EML4: variants seen among roughly 807,000 people sequenced by gnomAD.
The protein encoded by EML4 is echinoderm microtubule-associated protein-like 4.
EML4 carries 72 observed loss-of-function variants against 129.0 expected under a neutral mutation model. The ratio of observed to expected loss-of-function variants is 0.56; its 90% CI spans 0.46 to 0.68. EML4 has a LOEUF of 0.68. Among genes scored for constraint, EML4 ranks in the 30% least tolerant of loss-of-function variants. EML4 has a pLI of 0.00. For missense variants in EML4, 1,363 were observed against 1,190.6 expected (o/e 1.14, Z -2.13); for synonymous variants, 532 against 405.0 (o/e 1.31, Z -3.77).
chr2:42,220,267 AGGTTTTTGGCAACCCT>A (rs1673500221), intron 1 of EML4, among the ~76,000 whole-genome samples: 1 of 143,912 alleles, frequency 6.9e-6, no homozygotes, highest in Non-Finnish European at 1.5e-5. Flanking sequence ...TACAAATTGA[AGGTTTTTGGCAACCCT>A]GCATTGAGCA....
chr2:42,181,512 C>T (rs1670940619), intron 1 of EML4, among the ~76,000 whole-genome samples: 1 of 152,122 alleles, frequency 6.6e-6, no homozygotes, highest in Non-Finnish European at 1.5e-5. Flanking sequence ...GTTGGCCTGG[C>T]TGGTCTCAAA....
intron 1 of EML4, among the ~76,000 whole-genome samples, chr2:42,237,193 C>T (rs1391012177): frequency 6.6e-6 from 1 of 152,256 alleles, no homozygotes; most frequent in Non-Finnish European, 1.5e-5. Flanking sequence ...CCTCGGCCTC[C>T]TAAAGTGCTG....
At chr2:42,264,765 GC>G (rs1194159295) in intron 6 of EML4, 34 bp downstream of exon 6, 1 of 1,455,662 alleles carries the variant, frequency 6.9e-7, no homozygotes, top group Admixed American at 1.9e-5. Context: ...ATTTTATTTT[GC>G]CCTTCTTAGT....
chr2:42,290,402 C>G (rs1266242229), intron 11 of EML4, among the ~76,000 whole-genome samples: 1 of 151,740 alleles, frequency 6.6e-6, no homozygotes, highest in Non-Finnish European at 1.5e-5. Flanking sequence ...TGTGGGACCT[C>G]TCATGAAAAA....
chr2:42,324,928 TA>T (rs1468517816), intron 19 of EML4, among the ~76,000 whole-genome samples: 1 of 152,190 alleles, frequency 6.6e-6, no homozygotes, highest in Non-Finnish European at 1.5e-5. Context: ...TCTGATGGAG[TA>T]CAGCGTTGGG....
chr2:42,196,491 A>G (rs1411873630), intron 1 of EML4, among the ~76,000 whole-genome samples: 1 of 152,176 alleles, frequency 6.6e-6, no homozygotes, highest in African/African-American at 2.4e-5. Flanking sequence ...GGATCTAAGG[A>G]TAAATTGAGA....
At chr2:42,189,854 C>T (rs1208015289) in intron 1 of EML4, among the ~76,000 whole-genome samples, 1 of 151,954 alleles carries the variant, frequency 6.6e-6, no homozygotes, top group East Asian at 1.9e-4. Context: ...ATGAATAATT[C>T]AATCACAAAA....
intron 1 of EML4, among the ~76,000 whole-genome samples, chr2:42,206,021 C>G (rs1672518879): frequency 6.6e-6 from 1 of 152,174 alleles, no homozygotes; most frequent in African/African-American, 2.4e-5. Context: ...GAATTTCTAG[C>G]ACTTACTGCA....
chr2:42,172,076 CAAG>C (rs970538316), intron 1 of EML4, among the ~76,000 whole-genome samples: 2 of 150,478 alleles, frequency 1.3e-5, no homozygotes, highest in Non-Finnish European at 3.0e-5. Context: ...TTTTTTTAAA[CAAG>C]AAGTCAAAAC....
chr2:42,260,998 A>G (rs537225274), intron 3 of EML4, 123 bp from the exon 4 acceptor site: 1 of 673,000 alleles, frequency 1.5e-6, no homozygotes, highest in African/African-American at 1.8e-5. Flanking sequence ...GAATGAAAAC[A>G]GTGCAAATTG....
At chr2:42,216,120 A>G (rs1191160024) in intron 1 of EML4, among the ~76,000 whole-genome samples, 3 of 150,122 alleles carry the variant, frequency 2.0e-5, no homozygotes, top group African/African-American at 7.4e-5. Flanking sequence ...CGGTTTCACC[A>G]TGTTGGTCAG....
chr2:42,286,431 GAAGTT>G (rs1417628675), intron 10 of EML4, 52 bp downstream of exon 10: 1 of 1,123,286 alleles, frequency 8.9e-7, no homozygotes, highest in South Asian at 1.2e-5. Context: ...AAGCAGGAAA[GAAGTT>G]AAGCTCAGTT....
intron 1 of EML4, among the ~76,000 whole-genome samples, chr2:42,179,153 C>T (rs189347190): frequency 1.3e-3 from 199 of 152,090 alleles, no homozygotes; most frequent in Admixed American, 2.6e-3. Flanking sequence ...GAAAAGAGCA[C>T]ATCAGTTACA....
chr2:42,183,728 ATATATT>A (rs1671087276), intron 1 of EML4, among the ~76,000 whole-genome samples: 1 of 152,036 alleles, frequency 6.6e-6, no homozygotes, highest in Non-Finnish European at 1.5e-5. Flanking sequence ...ATGGTTGGAC[ATATATT>A]TTTATTTTTA....
intron 3 of EML4, among the ~76,000 whole-genome samples, chr2:42,257,122 A>G (rs949334136): frequency 4.6e-5 from 7 of 151,452 alleles, no homozygotes; most frequent in Non-Finnish European, 7.4e-5. Flanking sequence ...GTGGGGGTGT[A>G]TGTGTGTGTG....
intron 1 of EML4, among the ~76,000 whole-genome samples, chr2:42,214,102 A>G (rs1348959037): frequency 1.3e-5 from 2 of 152,186 alleles, no homozygotes; most frequent in African/African-American, 4.8e-5. Context: ...TAGAAGTTTA[A>G]AACATTTTAC....
At chr2:42,193,145 C>G (rs991575816) in intron 1 of EML4, among the ~76,000 whole-genome samples, 3 of 152,212 alleles carry the variant, frequency 2.0e-5, no homozygotes, top group Non-Finnish European at 4.4e-5. Context: ...TCTGTGCTTA[C>G]ATACCATTGT....
At chr2:42,189,127 A>C (rs958577287) in intron 1 of EML4, among the ~76,000 whole-genome samples, 2 of 152,092 alleles carry the variant, frequency 1.3e-5, no homozygotes, top group African/African-American at 4.8e-5. Flanking sequence ...TCGGCCTCCC[A>C]AAGTGCTGGG....
chr2:42,213,024 A>G (rs961516416), intron 1 of EML4, among the ~76,000 whole-genome samples: 5 of 152,214 alleles, frequency 3.3e-5, no homozygotes, highest in Non-Finnish European at 7.3e-5. Context: ...TCTGCAAACA[A>G]ATGAGCATAT....
Sources: allele counts gnomAD v4.1 joint callset (sites outside exome capture counted in the v4.1 genomes callset), GRCh38; gene constraint gnomAD v4.1.1; transcripts MANE v1.5; gene names NCBI Gene and HGNC (gene_info 2026-07-23, HGNC 2026-07-21).